ZMYM6: variants seen among roughly 807,000 people sequenced by gnomAD.
ZMYM6 encodes the protein zinc finger MYM-type containing 6.
ZMYM6 carries 90 observed loss-of-function variants against 134.0 expected under a neutral mutation model. The observed-to-expected ratio is 0.67, with a 90% CI of 0.57 to 0.80. ZMYM6 has a LOEUF of 0.80. Among genes scored for constraint, ZMYM6 ranks in the 30% least tolerant of loss-of-function variants. The pLI is 0.00. For missense variants in ZMYM6, 1,362 were observed against 1,533.9 expected (o/e 0.89, Z 1.87); for synonymous variants, 481 against 524.1 (o/e 0.92, Z 1.12).
intron 4 of ZMYM6, among the ~76,000 whole-genome samples, chr1:35,015,743 A>AAAAAAAAAAAAAAATATAT: frequency 1.9e-5 from 2 of 106,466 alleles, no homozygotes; most frequent in African/African-American, 6.6e-5. Flanking sequence ...AAAAAAAAAA[A>AAAAAAAAAAAAAAATATAT]ATATATATAT....
intron 11 of ZMYM6, among the ~76,000 whole-genome samples, 170 bp from the exon 12 acceptor site, chr1:35,007,268 T>C (rs537508796): frequency 9.8e-5 from 15 of 152,338 alleles, no homozygotes; most frequent in Non-Finnish European, 1.9e-4. Context: ...TTGTTTTATA[T>C]AGATGCCCTA....
chr1:35,031,039 C>A (rs1641513480), intron 1 of ZMYM6, among the ~76,000 whole-genome samples: 1 of 152,190 alleles, frequency 6.6e-6, no homozygotes, highest in Non-Finnish European at 1.5e-5. Context: ...GAAGAACGGA[C>A]TCAAGAAATA....
In ZMYM6 at chr1:35,010,748, C is replaced by A; in HGVS notation, c.1341+10G>T. 2 of 1,539,022 alleles carry A rather than the reference C, an allele frequency of 1.3e-6. No individual in the cohort carries two copies. Among genetic ancestry groups the A allele is most frequent in the Non-Finnish European group, 1.7e-6 (2 of 1,148,368 alleles). ...GTTTATATACAATCCCTTTCATGAT[C>A]TCTCTTTACCTTGTAAAAAAGAAGT... On this transcript the variant is annotated intron_variant, in intron 9 of 15. Coordinates refer to ENST00000357182, the MANE Select transcript of ZMYM6 (RefSeq NM_007167.4).
chr1:34,994,237 T>C (rs1413463357), intron 14 of ZMYM6, among the ~76,000 whole-genome samples: 2 of 151,934 alleles, frequency 1.3e-5, no homozygotes, highest in Non-Finnish European at 2.9e-5. Context: ...AATAAACAAG[T>C]AAAACAAATA....
At chr1:35,022,556 A>G (rs1045014790) in intron 2 of ZMYM6, among the ~76,000 whole-genome samples, 1 of 151,864 alleles carries the variant, frequency 6.6e-6, no homozygotes, top group Non-Finnish European at 1.5e-5. Context: ...GAGCCACCGC[A>G]CCCAGCCAGT....
rs41266439 is a variant in ZMYM6 at position 35,010,748 on chromosome 1, C to T, written c.1341+10G>A. On this transcript the variant is annotated intron_variant, in intron 9 of 15. Transcript: ENST00000357182. The stretch of plus-strand genomic sequence containing the variant: ...GTTTATATACAATCCCTTTCATGAT[C>T]TCTCTTTACCTTGTAAAAAAGAAGT... 36,927 of 1,538,968 alleles carry T rather than the reference C, an allele frequency of 0.024. 496 individuals carry two copies. Among genetic ancestry groups the T allele is most frequent in the Non-Finnish European group, 0.028 (32,248 of 1,148,322 alleles).
chr1:35,022,092 C>G (rs188818564), intron 2 of ZMYM6, among the ~76,000 whole-genome samples: 1 of 152,286 alleles, frequency 6.6e-6, no homozygotes, highest in East Asian at 1.9e-4. Flanking sequence ...AAACTAGGAA[C>G]CATTGCATTA....
intron 12 of ZMYM6, 129 bp from the exon 13 acceptor site, chr1:35,005,401 T>C: frequency 1.0e-6 from 1 of 1,004,984 alleles, no homozygotes; most frequent in Non-Finnish European, 1.4e-6. Flanking sequence ...TCTGATTCTG[T>C]ATCATGTTAG....
intron 14 of ZMYM6, among the ~76,000 whole-genome samples, chr1:34,996,016 T>C (rs535438320): frequency 2.2e-4 from 34 of 152,204 alleles, no homozygotes; most frequent in Non-Finnish European, 4.3e-4. Context: ...ATATCTAGGA[T>C]GTTATAAATA....
At chr1:35,007,364 G>C (rs1641002723) in intron 11 of ZMYM6, among the ~76,000 whole-genome samples, 1 of 152,134 alleles carries the variant, frequency 6.6e-6, no homozygotes, top group South Asian at 2.1e-4. Flanking sequence ...GCCGAGGTGG[G>C]CGGATCATGA....
intron 14 of ZMYM6, among the ~76,000 whole-genome samples, chr1:34,992,790 T>C (rs1371476205): frequency 2.8e-5 from 4 of 143,514 alleles, no homozygotes; most frequent in Non-Finnish European, 6.1e-5. Context: ...AATATACTTA[T>C]AAACTATAAA....
chr1:35,008,787 C>T lies in ZMYM6; in HGVS notation c.1630G>A (p.Asp544Asn). The T allele has an allele frequency of 2.5e-6, 4 of 1,614,028 alleles. No individual in the cohort carries two copies. The highest frequency in any genetic ancestry group is 3.4e-6 in the Non-Finnish European group (4 of 1,179,966). The change falls in exon 11 of 16, where the codon GAT becomes AAT. Residue 544 changes from aspartate (D) to asparagine (N), a missense_variant. Asp to Asn is a conservative substitution (Grantham distance 23). Transcript: ENST00000357182. ...AGAACTGTAAATTTGGACATACAATCTTCACAACAAAACTCTTCTAACTTG... is the reference window on the plus strand; with the variant it reads ...AGAACTGTAAATTTGGACATACAATTTTCACAACAAAACTCTTCTAACTTG... Reference protein sequence around the residue: ...EGKLEEFCCEDCMSKFTVLFY... With the variant: ...EGKLEEFCCENCMSKFTVLFY...
chr1:34,990,343 C>G (rs574167729), intron 15 of ZMYM6: 2 of 238,520 alleles, frequency 8.4e-6, no homozygotes, highest in Non-Finnish European at 9.8e-6. Flanking sequence ...ATTAGCTGGG[C>G]ATGGTGGCAG....
intron 4 of ZMYM6, chr1:35,018,301 C>G (rs1557582997): frequency 6.6e-6 from 1 of 151,662 alleles, no homozygotes; most frequent in Non-Finnish European, 1.5e-5. Flanking sequence ...GCTGTGATCA[C>G]TCTACCATGG....
intron 2 of ZMYM6, among the ~76,000 whole-genome samples, chr1:35,025,177 T>C (rs1225881745): frequency 6.6e-6 from 1 of 151,678 alleles, no homozygotes; most frequent in East Asian, 2.0e-4. Context: ...GGCCTTGATT[T>C]TGTATTTGCA....
rs572654437 is a variant in ZMYM6 at position 35,005,061 on chromosome 1, A to C, written c.1954+71T>G. ...CAACAAGAGTGAAACTGTCTCAAAA[A>C]GAGAGAACTACTTAGGCTAGACAAC... is the stretch of plus-strand genomic sequence containing the variant. On this transcript the variant is annotated intron_variant, in intron 13 of 15. Coordinates refer to ENST00000357182, the MANE Select transcript of ZMYM6 (RefSeq NM_007167.4). 2.3e-5 allele frequency: 36 copies of C among 1,570,182 alleles called. No homozygotes were observed. The African/African-American group carries it at 4.6e-4, about 20-fold the overall frequency.
At position 34,988,442 on chromosome 1, in the gene ZMYM6, A is replaced by G; in HGVS notation, c.2640T>C (p.Asn880=). The G allele has an allele frequency of 6.4e-7, 1 of 1,551,526 alleles. No individual in the cohort carries two copies. Among genetic ancestry groups the G allele is most frequent in the Non-Finnish European group, 8.7e-7 (1 of 1,146,922 alleles). ...CATCAATCCTGTGTTGAATTGTAAC[A>G]TTAGAAAGTGGAATAGTTTTCATTT... The part of the protein sequence containing the change: ...GDKMKTIPLS[N]VTIQHRIDEL... The change falls in exon 16 of 16, where the codon AAT becomes AAC. Residue 880 remains asparagine (N), a synonymous_variant. Transcript: ENST00000357182.
intron 2 of ZMYM6, among the ~76,000 whole-genome samples, chr1:35,027,299 T>C (rs1641431924): frequency 6.6e-6 from 1 of 152,160 alleles, no homozygotes; most frequent in Non-Finnish European, 1.5e-5. Flanking sequence ...CATTGAAAGA[T>C]CTTTGCTTCA....
intron 4 of ZMYM6, chr1:35,018,893 T>G (rs984888716): frequency 1.2e-5 from 2 of 172,136 alleles, no homozygotes; most frequent in African/African-American, 4.8e-5. Flanking sequence ...CTAAGCATTA[T>G]TGTAAAGCAA....
Sources: allele counts gnomAD v4.1 joint callset (sites outside exome capture counted in the v4.1 genomes callset), GRCh38; gene constraint gnomAD v4.1.1; transcripts MANE v1.5; gene names NCBI Gene and HGNC (gene_info 2026-07-23, HGNC 2026-07-21).